The following ZNF646 variants were observed in gnomAD, a reference collection of about 807,000 sequenced individuals.
The protein encoded by ZNF646 is zinc finger protein 646.
Under a neutral mutation model 115.4 loss-of-function variants are expected in ZNF646, and 49 were observed. That is an observed-to-expected ratio of 0.42 (90% CI 0.34 to 0.54). The LOEUF (loss-of-function observed/expected upper bound fraction) is 0.54, where lower values mean the gene tolerates loss of function less well. Among genes scored for constraint, ZNF646 ranks in the 20% least tolerant of loss-of-function variants. ZNF646 has a pLI of 0.04. For missense variants in ZNF646, 2,269 were observed against 2,457.9 expected (o/e 0.92, Z 1.62); for synonymous variants, 933 against 939.0 (o/e 0.99, Z 0.12).
chr16:31,077,169 A>G lies in ZNF646; in HGVS notation c.845A>G (p.Lys282Arg). 6.2e-7 allele frequency: 1 copy of G among 1,614,204 alleles called. No individual in the cohort carries two copies. The highest frequency in any genetic ancestry group is 8.5e-7 in the Non-Finnish European group (1 of 1,180,026). ...GAGTTCTCTAACCTCATGGCTCTGA[A>G]GAACCACTCTCGACTGCATGCCCAG... ...FKEFSNLMAL[K>R]NHSRLHAQYR... Residue 282 changes from lysine to arginine, a missense_variant, in exon 2 of 3, where the codon AAG becomes AGG. Around this residue, in one of 5 missense-constraint regions of ZNF646, gnomAD observed 852 missense variants for 900.2 expected, o/e 0.95. Coordinates refer to ENST00000300850, the MANE Select transcript of ZNF646 (RefSeq NM_014699.4).
intron 1 of ZNF646, 63 bp downstream of exon 1, chr16:31,074,694 G>C (rs1328080579): frequency 6.6e-6 from 1 of 152,260 alleles, no homozygotes; most frequent in Non-Finnish European, 1.5e-5. Flanking sequence ...GCCCGCGGCG[G>C]GAAGGAGAGG....
Position 31,076,278 on chromosome 16 carries a change from C to CA in ZNF646, c.-46dup. The CA allele has an allele frequency of 6.4e-7, 1 of 1,556,902 alleles. No individual in the cohort carries two copies. The highest frequency in any genetic ancestry group is 1.4e-5 in the African/African-American group (1 of 73,530). On this transcript the variant is annotated 5_prime_UTR_variant, in exon 2 of 3. Transcript: ENST00000300850. ...CCCCTCCACCAGAGGAAGGTGCTGC[C>CA]ACGTGTCTGCTCCTTCTGAACCTCC...
intron 2 of ZNF646, chr16:31,082,741 T>C: frequency 1.8e-6 from 1 of 562,834 alleles, no homozygotes; most frequent in East Asian, 3.6e-5. Context: ...GGGAGTCACC[T>C]GAAAGCTGAA....
chr16:31,078,779 G>A lies in ZNF646; in HGVS notation c.2455G>A (p.Ala819Thr), dbSNP rs559082145. ...TGCTGTCACTGGCTGGCAGGCTGGG[G>A]CCGCTCACACATGCTCTGACTGTGG... is the stretch of plus-strand genomic sequence containing the variant. The part of the protein sequence containing the change: ...ANAVTGWQAG[A>T]AHTCSDCGHS... Residue 819 changes from alanine (A) to threonine (T), a missense_variant, in exon 2 of 3, where the codon GCC becomes ACC. By Grantham distance (58) the Ala-to-Thr change is moderately conservative. Coordinates refer to ENST00000300850, the MANE Select transcript of ZNF646 (RefSeq NM_014699.4). 6.2e-7 allele frequency: 1 copy of A among 1,613,816 alleles called. No individual in the cohort carries two copies. The highest frequency in any genetic ancestry group is 1.1e-5 in the South Asian group (1 of 91,080).
Position 31,078,326 on chromosome 16 carries a change from C to T in ZNF646, c.2002C>T (p.Arg668Trp), listed in dbSNP as rs971465229. ...AMKNHLRRHS[R>W]RRSRRHRKRA... ...GAAGAACCACTTGCGCCGGCACAGT[C>T]GGCGGCGGAGCAGGCGGCATCGGAA... Residue 668 changes from arginine (R) to tryptophan (W), a missense_variant, in exon 2 of 3, where the codon CGG becomes TGG. Arg to Trp is a moderately radical substitution (Grantham distance 101, BLOSUM62 -3). Around this residue, in one of 5 missense-constraint regions of ZNF646, gnomAD observed 852 missense variants for 900.2 expected, o/e 0.95. Transcript: ENST00000300850. The T allele has an allele frequency of 2.2e-5, 36 of 1,613,430 alleles. No homozygotes were observed. The highest frequency in any genetic ancestry group is 2.7e-5 in the Non-Finnish European group (32 of 1,179,924).
Position 31,080,405 on chromosome 16 carries a change from C to T in ZNF646, c.4081C>T (p.Arg1361Cys), listed in dbSNP as rs377644615. ...GCGGCGACGGGCTGGACGGTCCAGG[C>T]GCACAGCTGTGCGTTGCGCCCTCTG... ...NRRRRAGRSRRTAVRCALCGR... is the reference protein window; with the variant it reads ...NRRRRAGRSRCTAVRCALCGR... Residue 1361 changes from arginine to cysteine, a missense_variant, in exon 2 of 3, where the codon CGC becomes TGC. This residue lies in a region of ZNF646 where 1,062 missense variants were observed against 1,172.8 expected (regional missense o/e 0.91). Coordinates refer to ENST00000300850, the MANE Select transcript of ZNF646 (RefSeq NM_014699.4). 1.4e-5 allele frequency: 22 copies of T among 1,613,136 alleles called. No individual in the cohort carries two copies. Among genetic ancestry groups the T allele is most frequent in the East Asian group, 4.5e-5 (2 of 44,880 alleles).
chr16:31,074,269 GAC>G (rs1300816480), upstream of ZNF646: 3 of 152,328 alleles, frequency 2.0e-5, no homozygotes, highest in Non-Finnish European at 2.9e-5. Context: ...GCCGCGTTGT[GAC>G]CTACGTGGGC....
chr16:31,080,002 G>C lies in ZNF646; in HGVS notation c.3678G>C (p.Gln1226His). Residue 1226 changes from glutamine to histidine, a missense_variant, in exon 2 of 3, where the codon CAG becomes CAC. Around this residue, in one of 5 missense-constraint regions of ZNF646, gnomAD observed 1,062 missense variants for 1,172.8 expected, o/e 0.91. Coordinates refer to ENST00000300850, the MANE Select transcript of ZNF646 (RefSeq NM_014699.4). ...TCATCAACCACCGGCAGAGCCACCAGACCGGCCACTTTGGCTGTCAGGCCT... is the reference window on the plus strand; with the variant it reads ...TCATCAACCACCGGCAGAGCCACCACACCGGCCACTTTGGCTGTCAGGCCT... Reference protein sequence around the residue: ...GSLINHRQSHQTGHFGCQACS... With the variant: ...GSLINHRQSHHTGHFGCQACS... 6.2e-7 allele frequency: 1 copy of C among 1,606,254 alleles called. No individual in the cohort carries two copies. The highest frequency in any genetic ancestry group is 1.1e-5 in the South Asian group (1 of 90,650).
At position 31,081,653 on chromosome 16, in the gene ZNF646, G is replaced by C; in HGVS notation, c.5329G>C (p.Val1777Leu). Reference sequence around the variant, plus strand: ...CCACTTCCGCCGCCGAATCAGCTTCGTGCAGCACCAGCAGCAGCACCAGGA... The same window carrying C: ...CCACTTCCGCCGCCGAATCAGCTTCCTGCAGCACCAGCAGCAGCACCAGGA... Reference protein sequence around the residue: ...PRHFRRRISFVQHQQQHQEEW... With the variant: ...PRHFRRRISFLQHQQQHQEEW... Residue 1777 changes from valine (V) to leucine (L), a missense_variant, in exon 2 of 3, where the codon GTG becomes CTG. By Grantham distance (32) the Val-to-Leu change is conservative. Transcript: ENST00000300850. 1 of 1,606,202 alleles carries C rather than the reference G, an allele frequency of 6.2e-7. No individual in the cohort carries two copies. The highest frequency in any genetic ancestry group is 1.1e-5 in the South Asian group (1 of 90,326).
At position 31,081,360 on chromosome 16, in the gene ZNF646, G is replaced by T; in HGVS notation, c.5036G>T (p.Cys1679Phe). ...AAEDKERPFR[C>F]TQCGRSYRHA... Reference sequence around the variant, plus strand: ...GAGGACAAGGAGCGGCCCTTCCGCTGCACCCAGTGCGGGCGCTCCTACCGC... The same window carrying T: ...GAGGACAAGGAGCGGCCCTTCCGCTTCACCCAGTGCGGGCGCTCCTACCGC... Residue 1679 changes from cysteine (C) to phenylalanine (F), a missense_variant, in exon 2 of 3, where the codon TGC becomes TTC. Transcript: ENST00000300850. 6.2e-7 allele frequency: 1 copy of T among 1,613,694 alleles called. No individual in the cohort carries two copies. The highest frequency in any genetic ancestry group is 2.2e-5 in the East Asian group (1 of 44,864).
Position 31,077,062 on chromosome 16 carries a change from G to T in ZNF646, c.738G>T (p.Lys246Asn). 1 of 1,614,064 alleles carries T rather than the reference G, an allele frequency of 6.2e-7. No homozygotes were observed. The highest frequency in any genetic ancestry group is 8.5e-7 in the Non-Finnish European group (1 of 1,179,976). Reference protein sequence around the residue: ...ERRYKCSQCGKTYKHAGSLTN... With the variant: ...ERRYKCSQCGNTYKHAGSLTN... ...GGTACAAATGTAGTCAGTGTGGCAA[G>T]ACCTACAAGCACGCCGGGAGCCTCA... is the stretch of plus-strand genomic sequence containing the variant. Residue 246 changes from lysine (K) to asparagine (N), a missense_variant, in exon 2 of 3, where the codon AAG (lysine) becomes AAT (asparagine). Lys to Asn is a moderately conservative substitution (Grantham distance 94). This residue lies in a region of ZNF646 where 19 missense variants were observed against 44.9 expected (regional missense o/e 0.42). Coordinates refer to ENST00000300850, the MANE Select transcript of ZNF646 (RefSeq NM_014699.4).
intron 2 of ZNF646, 118 bp from the exon 3 acceptor site, chr16:31,082,853 T>G: frequency 7.4e-7 from 1 of 1,356,312 alleles, no homozygotes; most frequent in African/African-American, 1.5e-5. Context: ...CTAGAATCCC[T>G]GTTCTCATCT....
Position 31,083,931 on chromosome 16 carries a change from G to A in ZNF646, c.*839G>A, listed in dbSNP as rs899777354. 7.1e-6 allele frequency: 11 copies of A among 1,540,440 alleles called. No homozygotes were observed. The highest frequency in any genetic ancestry group is 4.1e-5 in the African/African-American group (3 of 72,934). ...CGCCATGACAGATGAGAATACTGAGGCTCAAAGCGGTTGAGCAGCCTGCTC... is the reference window on the plus strand; with the variant it reads ...CGCCATGACAGATGAGAATACTGAGACTCAAAGCGGTTGAGCAGCCTGCTC... On this transcript the variant is annotated 3_prime_UTR_variant, in exon 3 of 3. Coordinates refer to ENST00000300850, the MANE Select transcript of ZNF646 (RefSeq NM_014699.4).
intron 2 of ZNF646, chr16:31,082,405 C>G (rs766390553): frequency 5.7e-6 from 1 of 176,752 alleles, no homozygotes; most frequent in African/African-American, 2.4e-5. Context: ...ACCTGCGCAC[C>G]CTGCCACCCT....
In ZNF646 at chr16:31,078,063, G is replaced by A; in HGVS notation, c.1739G>A (p.Cys580Tyr). The A allele has an allele frequency of 3.1e-6, 5 of 1,614,238 alleles. No individual in the cohort carries two copies. Among genetic ancestry groups the A allele is most frequent in the Non-Finnish European group, 4.2e-6 (5 of 1,180,056 alleles). ...ACAGCAGCACATATCTGTAGCATCT[G>A]TGGGCTGCTCTTTGAAGACGCTGAG... ...DKTAAHICSI[C>Y]GLLFEDAESL... Residue 580 changes from cysteine to tyrosine, a missense_variant, in exon 2 of 3, where the codon TGT (cysteine) becomes TAT (tyrosine). Physicochemically the swap from Cys to Tyr is radical, Grantham distance 194. Transcript: ENST00000300850.
Position 31,081,228 on chromosome 16 carries a change from T to C in ZNF646, c.4904T>C (p.Leu1635Pro). The change falls in exon 2 of 3, where the codon CTC becomes CCC. Residue 1635 changes from leucine (L) to proline (P), a missense_variant. Around this residue, in one of 5 missense-constraint regions of ZNF646, gnomAD observed 1,062 missense variants for 1,172.8 expected, o/e 0.91. Coordinates refer to ENST00000300850, the MANE Select transcript of ZNF646 (RefSeq NM_014699.4). ...KAGTGEDQVV[L>P]PGQGKAQEAP... Reference sequence around the variant, plus strand: ...GGGACTGGGGAGGACCAGGTGGTTCTCCCTGGTCAAGGGAAAGCCCAGGAG... The same window carrying C: ...GGGACTGGGGAGGACCAGGTGGTTCCCCCTGGTCAAGGGAAAGCCCAGGAG... 1 of 1,591,256 alleles carries C rather than the reference T, an allele frequency of 6.3e-7. No homozygotes were observed. The highest frequency in any genetic ancestry group is 8.6e-7 in the Non-Finnish European group (1 of 1,167,192).
In ZNF646 at chr16:31,081,179, G is replaced by C; in HGVS notation, c.4855G>C (p.Glu1619Gln). ...RGHSQVPAQM[E>Q]EARDPKAGTG... ...CCACAGCCAGGTGCCAGCCCAGATGGAGGAGGCCAGAGATCCCAAAGCCGG... is the reference window on the plus strand; with the variant it reads ...CCACAGCCAGGTGCCAGCCCAGATGCAGGAGGCCAGAGATCCCAAAGCCGG... Residue 1619 changes from glutamate (E) to glutamine (Q), a missense_variant, in exon 2 of 3, where the codon GAG (glutamate) becomes CAG (glutamine). By Grantham distance (29) the Glu-to-Gln change is conservative. Coordinates refer to ENST00000300850, the MANE Select transcript of ZNF646 (RefSeq NM_014699.4). The C allele has an allele frequency of 1.3e-6, 2 of 1,593,092 alleles. No individual in the cohort carries two copies. The highest frequency in any genetic ancestry group is 1.7e-6 in the Non-Finnish European group (2 of 1,168,072).
Position 31,076,639 on chromosome 16 carries a change from C to T in ZNF646, c.315C>T (p.His105=). Residue 105 remains histidine (H), a synonymous_variant, in exon 2 of 3, where the codon CAC becomes CAT. Transcript: ENST00000300850. ...ATGCTCCTGAGGGCCGCCGCAGGCA[C>T]AGGCCCCCACGCCCCAAGGAAGCCA... The part of the protein sequence containing the change: ...RTHAPEGRRR[H]RPPRPKEATP... 6.2e-6 allele frequency: 10 copies of T among 1,612,954 alleles called. No homozygotes were observed. The highest frequency in any genetic ancestry group is 2.2e-5 in the East Asian group (1 of 44,872).
At position 31,080,364 on chromosome 16, in the gene ZNF646, T is replaced by C. The variant is rs754874501; in HGVS notation, c.4040T>C (p.Leu1347Pro). Residue 1347 changes from leucine (L) to proline (P), a missense_variant, in exon 2 of 3, where the codon CTG becomes CCG. Around this residue, in one of 5 missense-constraint regions of ZNF646, gnomAD observed 1,062 missense variants for 1,172.8 expected, o/e 0.91. Transcript: ENST00000300850. ...NRMALKDHQRLHSENRRRRAG... is the reference protein window; with the variant it reads ...NRMALKDHQRPHSENRRRRAG... ...ATGGCCCTGAAGGACCACCAGAGGCTGCACTCAGAGAATCGGCGGCGACGG... is the reference window on the plus strand; with the variant it reads ...ATGGCCCTGAAGGACCACCAGAGGCCGCACTCAGAGAATCGGCGGCGACGG... 2 of 1,613,488 alleles carry C rather than the reference T, an allele frequency of 1.2e-6. No individual in the cohort carries two copies. Among genetic ancestry groups the C allele is most frequent in the South Asian group, 2.2e-5 (2 of 91,076 alleles).
Sources: allele counts gnomAD v4.1 joint callset, GRCh38; gene constraint gnomAD v4.1.1; regional missense constraint gnomAD v4.1.1; transcripts MANE v1.5; gene names NCBI Gene and HGNC (gene_info 2026-07-23, HGNC 2026-07-21).